DMD: variants seen among roughly 807,000 people sequenced by gnomAD.
The protein encoded by DMD is mutant dystrophin.
Under a neutral mutation model 330.1 loss-of-function variants are expected in DMD, and 63 were observed. That is an observed-to-expected ratio of 0.19 (90% CI 0.16 to 0.24). The LOEUF is 0.24. DMD is among the 10% of genes least tolerant of loss of function. The pLI, the probability that DMD is intolerant of heterozygous loss-of-function variation, is 1.00. For missense variants in DMD, 3,344 were observed against 2,684.1 expected (o/e 1.25, Z -5.43); for synonymous variants, 1,223 against 959.8 (o/e 1.27, Z -5.07).
intron 13 of DMD, 52 bp downstream of exon 13, chrX:32,595,705 G>A: frequency 2.6e-6 from 3 of 1,147,285 alleles, no homozygotes; most frequent in Non-Finnish European, 3.6e-6. Context: ...TACTTTTCAA[G>A]TTATAGTTCT....
chrX:32,060,689 TAGAC>T (rs2096216954), intron 44 of DMD, among the ~76,000 whole-genome samples: 1 of 112,009 alleles, frequency 8.9e-6, no homozygotes, highest in South Asian at 3.7e-4. Flanking sequence ...TTCCTAGTGA[TAGAC>T]AGTTTTAATC....
At chrX:31,314,182 A>T (rs1200325539) in intron 62 of DMD, among the ~76,000 whole-genome samples, 1 of 111,962 alleles carries the variant, frequency 8.9e-6, no homozygotes, top group Admixed American at 9.5e-5. Flanking sequence ...TGTTACAAGG[A>T]TTAAATGGGA....
intron 1 of DMD, among the ~76,000 whole-genome samples, chrX:33,144,115 A>T (rs1208507095): frequency 8.9e-6 from 1 of 112,258 alleles, no homozygotes; most frequent in African/African-American, 3.2e-5. Flanking sequence ...TGAAGGATCA[A>T]GTACTCAAAT....
In DMD at chrX:32,468,638, T is replaced by C. The variant is rs398123918; in HGVS notation, c.3022A>G (p.Lys1008Glu). 1 of 1,211,500 alleles carries C rather than the reference T, an allele frequency of 8.3e-7. No homozygotes were observed. The highest frequency in any genetic ancestry group is 1.1e-6 in the Non-Finnish European group (1 of 895,371). ...CGGCTAATTTCAGAGGGCGCTTTCT[T>C]CGACATCTCTTTCACAGTGGTGCTG... ...YLSTTVKEMS[K>E]KAPSEISRKY... Residue 1008 changes from lysine (K) to glutamate (E), a missense_variant, in exon 23 of 79, where the codon AAG becomes GAG. Coordinates refer to ENST00000357033, the MANE Select transcript of DMD (RefSeq NM_004006.3).
intron 1 of DMD, among the ~76,000 whole-genome samples, chrX:33,316,893 T>C (rs776193621): frequency 1.2e-3 from 128 of 111,297 alleles, no homozygotes; most frequent in African/African-American, 3.9e-3. Context: ...TGATTTCTTT[T>C]ATCAGCATTT....
At chrX:31,372,036 A>T (rs1569534345) in intron 60 of DMD, among the ~76,000 whole-genome samples, 1 of 111,930 alleles carries the variant, frequency 8.9e-6, no homozygotes, top group Non-Finnish European at 1.9e-5. Context: ...TAGCACAGTG[A>T]CTGGCAGAGT....
intron 1 of DMD, among the ~76,000 whole-genome samples, chrX:33,075,424 A>G (rs761726341): frequency 8.9e-6 from 1 of 112,051 alleles, no homozygotes; most frequent in South Asian, 3.7e-4. Flanking sequence ...GTGGCTGTAC[A>G]TGTATAAAAC....
intron 1 of DMD, among the ~76,000 whole-genome samples, chrX:33,315,511 G>A (rs1331994733): frequency 3.6e-5 from 4 of 112,157 alleles, no homozygotes; most frequent in African/African-American, 9.7e-5. Flanking sequence ...AATACGATGT[G>A]TGTGTTGTCA....
intron 9 of DMD, among the ~76,000 whole-genome samples, chrX:32,684,047 A>C (rs2062662495): frequency 9.3e-6 from 1 of 107,436 alleles, no homozygotes; most frequent in Admixed American, 9.9e-5. Flanking sequence ...ACACACACAC[A>C]CACACACAGT....
chrX:32,629,994 C>T (rs1209516552), intron 11 of DMD, among the ~76,000 whole-genome samples: 2 of 111,405 alleles, frequency 1.8e-5, no homozygotes, highest in African/African-American at 6.5e-5. Context: ...CTCTTTGTAA[C>T]AGAATAGTAA....
chrX:32,303,757 C>T (rs1224953659), intron 42 of DMD, among the ~76,000 whole-genome samples: 1 of 110,368 alleles, frequency 9.1e-6, no homozygotes, highest in Non-Finnish European at 1.9e-5. Context: ...AAGACTCAAA[C>T]TCCAGTTCAT....
chrX:31,775,973 A>G (rs2090633288), intron 50 of DMD, among the ~76,000 whole-genome samples: 1 of 112,504 alleles, frequency 8.9e-6, no homozygotes, highest in South Asian at 3.7e-4. Flanking sequence ...GTGAGGCAAT[A>G]AAGAAAAAGT....
At chrX:31,781,899 G>C (rs1364575877) in intron 50 of DMD, among the ~76,000 whole-genome samples, 1 of 111,394 alleles carries the variant, frequency 9.0e-6, no homozygotes, top group South Asian at 3.8e-4. Flanking sequence ...TCAATTAAAA[G>C]GATTTTCCAT....
intron 47 of DMD, among the ~76,000 whole-genome samples, chrX:31,878,448 T>C (rs2094001937): frequency 1.8e-5 from 2 of 112,046 alleles, no homozygotes; most frequent in South Asian, 7.5e-4. Context: ...TCTATAGTAG[T>C]CAACCACAAA....
chrX:32,299,317 C>G lies in DMD; in HGVS notation c.6117+10765G>C, dbSNP rs187480576. Among the ~76,000 whole-genome samples, 8 of 110,798 alleles carry G rather than the reference C, an allele frequency of 7.2e-5. No homozygotes were observed. In the East Asian group the frequency reaches 2.3e-3, roughly 32 times the overall value. On this transcript the variant is annotated intron_variant, in intron 42 of 78. Transcript: ENST00000357033. ...AAAATCCATCCATGATGACATATAG[C>G]TTTTTGGACACTTTCAAGCCCATCT... is the stretch of plus-strand genomic sequence containing the variant.
chrX:32,508,896 C>T (rs1045352722), intron 18 of DMD, among the ~76,000 whole-genome samples: 3 of 110,409 alleles, frequency 2.7e-5, no homozygotes, highest in South Asian at 7.8e-4. Context: ...CTGCAAGCTC[C>T]GCCTCCCGGG....
chrX:31,171,138 T>A (rs1037210020), intron 73 of DMD, among the ~76,000 whole-genome samples: 2 of 112,368 alleles, frequency 1.8e-5, no homozygotes, highest in African/African-American at 3.2e-5. Flanking sequence ...GTACCATTAA[T>A]ACTTTTTCCC....
intron 43 of DMD, among the ~76,000 whole-genome samples, chrX:32,265,762 G>A (rs1256086358): frequency 8.9e-6 from 1 of 112,444 alleles, no homozygotes; most frequent in African/African-American, 3.2e-5. Context: ...CATGCATGGA[G>A]CCTGGAGCCC....
intron 7 of DMD, among the ~76,000 whole-genome samples, chrX:32,785,167 G>A (rs1234743637): frequency 4.7e-5 from 5 of 107,107 alleles, no homozygotes; most frequent in Admixed American, 3.0e-4. Context: ...AGTCTACTCA[G>A]CCACCTGCAC....
Sources: gnomAD v4.1 joint callset for allele counts (sites outside exome capture counted in the v4.1 genomes callset) on GRCh38, gnomAD v4.1.1 for gene constraint, MANE v1.5 for transcripts, NCBI Gene and HGNC (gene_info 2026-07-23, HGNC 2026-07-21) for gene names.